Variants in SORCS3 observed in about 807,000 individuals in gnomAD.
The protein encoded by SORCS3 is sortilin related VPS10 domain containing receptor 3.
SORCS3 carries 57 observed loss-of-function variants against 146.3 expected under a neutral mutation model. That is an observed-to-expected ratio of 0.39 (90% CI 0.31 to 0.49). The LOEUF (loss-of-function observed/expected upper bound fraction) is 0.49, where lower values mean the gene tolerates loss of function less well. Ranked by LOEUF, SORCS3 falls within the 20% of genes least tolerant of loss-of-function variation. SORCS3 has a pLI of 0.92. For missense variants in SORCS3, 1,341 were observed against 1,575.5 expected (o/e 0.85, Z 2.52); for synonymous variants, 653 against 618.5 (o/e 1.06, Z -0.83).
At chr10:105,043,190 C>T in intron 5 of SORCS3, 62 bp downstream of exon 5, 2 of 1,414,122 alleles carry the variant, frequency 1.4e-6, no homozygotes, top group Non-Finnish European at 2.0e-6. Context: ...GCGTAGCACT[C>T]TAGACAGCTC....
intron 1 of SORCS3, among the ~76,000 whole-genome samples, chr10:104,746,292 A>G (rs1006436750): frequency 1.5e-4 from 23 of 152,020 alleles, no homozygotes; most frequent in Non-Finnish European, 2.8e-4. Flanking sequence ...GCCCGCCACT[A>G]CGCCTGGCTA....
chr10:105,008,129 C>G (rs1270494640), intron 4 of SORCS3, among the ~76,000 whole-genome samples: 1 of 152,106 alleles, frequency 6.6e-6, no homozygotes, highest in African/African-American at 2.4e-5. Flanking sequence ...TTGATCTCTA[C>G]CAAGCTGCCT....
At chr10:105,148,536 C>T (rs2056147980) in intron 9 of SORCS3, among the ~76,000 whole-genome samples, 4 of 152,070 alleles carry the variant, frequency 2.6e-5, no homozygotes, top group Admixed American at 2.6e-4. Context: ...ACTTGACTGA[C>T]CACCTGGATA....
intron 1 of SORCS3, among the ~76,000 whole-genome samples, chr10:104,772,837 G>A (rs969556712): frequency 6.6e-6 from 1 of 152,182 alleles, no homozygotes; most frequent in African/African-American, 2.4e-5. Context: ...TCTGTTGCAT[G>A]TATGGTCAGT....
intron 1 of SORCS3, among the ~76,000 whole-genome samples, chr10:104,749,895 A>G (rs1174173854): frequency 6.6e-6 from 1 of 152,184 alleles, no homozygotes; most frequent in Non-Finnish European, 1.5e-5. Context: ...AGTCTGTACT[A>G]TTTAATTATA....
intron 1 of SORCS3, among the ~76,000 whole-genome samples, chr10:104,674,999 A>G (rs2015897762): frequency 6.6e-6 from 1 of 152,250 alleles, no homozygotes; most frequent in South Asian, 2.1e-4. Flanking sequence ...CCAAGGGTAG[A>G]CTAGCTGGGT....
chr10:105,178,660 T>C (rs1268683059), intron 14 of SORCS3, among the ~76,000 whole-genome samples: 1 of 152,114 alleles, frequency 6.6e-6, no homozygotes, highest in East Asian at 1.9e-4. Context: ...CTTCAGATTA[T>C]TTCACTGTAA....
intron 13 of SORCS3, 30 bp downstream of exon 13, chr10:105,167,379 G>A: frequency 6.5e-7 from 1 of 1,537,692 alleles, no homozygotes; most frequent in Non-Finnish European, 9.0e-7. Flanking sequence ...CTATTAATGA[G>A]CTAATGAGCA....
At chr10:104,946,362 G>A (rs2019371035) in intron 3 of SORCS3, among the ~76,000 whole-genome samples, 1 of 152,170 alleles carries the variant, frequency 6.6e-6, no homozygotes, top group South Asian at 2.1e-4. Context: ...AGTTGGGTCA[G>A]TGAGTCCCAG....
At chr10:104,830,234 A>G (rs189249632) in intron 1 of SORCS3, among the ~76,000 whole-genome samples, 7 of 152,286 alleles carry the variant, frequency 4.6e-5, no homozygotes, top group African/African-American at 1.2e-4. Flanking sequence ...ACATGATCTC[A>G]TTCTTTTTTA....
At chr10:105,017,605 A>G (rs1050817690) in intron 4 of SORCS3, among the ~76,000 whole-genome samples, 1 of 152,188 alleles carries the variant, frequency 6.6e-6, no homozygotes, top group Non-Finnish European at 1.5e-5. Flanking sequence ...ATGGAGATAG[A>G]GATGTGAGAA....
At chr10:105,107,950 A>T (rs571430769) in intron 7 of SORCS3, among the ~76,000 whole-genome samples, 1 of 152,146 alleles carries the variant, frequency 6.6e-6, no homozygotes, top group African/African-American at 2.4e-5. Context: ...TACCTACTTC[A>T]TGGGTTGCTG....
intron 1 of SORCS3, among the ~76,000 whole-genome samples, chr10:104,643,710 G>GTGTA (rs764799490): frequency 2.1e-5 from 1 of 47,028 alleles, no homozygotes. Context: ...GATAATTAGG[G>GTGTA]TGTGTGTGTG....
Position 104,953,695 on chromosome 10 carries a change from G to A in SORCS3, c.796-23640G>A, listed in dbSNP as rs1021613474. On this transcript the variant is annotated intron_variant, in intron 3 of 26. Transcript: ENST00000369701. ...AAGATGATCTTAGACTTCCCTTTCT[G>A]CTCTGTAATAGTTTTCCCAGAGTTG... Among the ~76,000 whole-genome samples the A allele has an allele frequency of 3.9e-5, 6 of 152,156 alleles. No homozygotes were observed. In the South Asian group the frequency reaches 8.3e-4, roughly 21 times the overall value.
chr10:105,152,026 G>A (rs1169070936), intron 9 of SORCS3, among the ~76,000 whole-genome samples: 3 of 152,238 alleles, frequency 2.0e-5, no homozygotes, highest in South Asian at 4.1e-4. Context: ...CTATTGCAGT[G>A]TCTTCACATC....
chr10:104,764,981 G>C (rs899634281), intron 1 of SORCS3, among the ~76,000 whole-genome samples: 1 of 152,196 alleles, frequency 6.6e-6, no homozygotes, highest in African/African-American at 2.4e-5. Flanking sequence ...TGATGGATCA[G>C]TGATGTCTGC....
At chr10:105,101,785 C>T (rs2055786967) in intron 6 of SORCS3, among the ~76,000 whole-genome samples, 3 of 152,120 alleles carry the variant, frequency 2.0e-5, no homozygotes, top group Non-Finnish European at 4.4e-5. Context: ...CTGTGTGTAC[C>T]TTTGATTACC....
At chr10:105,228,114 G>C (rs891467236) in intron 20 of SORCS3, among the ~76,000 whole-genome samples, 3 of 151,764 alleles carry the variant, frequency 2.0e-5, no homozygotes, top group Non-Finnish European at 4.4e-5. Flanking sequence ...TTATTGATAT[G>C]TGAGGGCCTA....
At chr10:104,802,627 T>C (rs1264061668) in intron 1 of SORCS3, among the ~76,000 whole-genome samples, 2 of 152,330 alleles carry the variant, frequency 1.3e-5, no homozygotes, top group African/African-American at 2.4e-5. Context: ...AAGAGTCCAG[T>C]TAAGACCTAT....
Sources: gnomAD v4.1 joint callset for allele counts (sites outside exome capture counted in the v4.1 genomes callset) on GRCh38, gnomAD v4.1.1 for gene constraint, MANE v1.5 for transcripts, NCBI Gene and HGNC (gene_info 2026-07-23, HGNC 2026-07-21) for gene names.